Variants in CCDC190 observed in about 807,000 individuals in gnomAD.
CCDC190 encodes coiled-coil domain-containing protein 190.
A neutral mutation model predicts 13.1 loss-of-function variants in CCDC190; 10 were observed. The observed-to-expected ratio is 0.77, with a 90% CI of 0.47 to 1.30. The LOEUF is 1.30. Among genes scored for constraint, CCDC190 ranks in the 50% most tolerant of loss-of-function variants. The pLI is 0.00. For missense variants in CCDC190, 375 were observed against 354.3 expected (o/e 1.06, Z -0.47); for synonymous variants, 136 against 127.2 (o/e 1.07, Z -0.47).
chr1:162,866,974 G>A (rs1034693879), intron 1 of CCDC190, among the ~76,000 whole-genome samples: 5 of 151,676 alleles, frequency 3.3e-5, no homozygotes, highest in African/African-American at 1.2e-4. Flanking sequence ...TAACATGCTG[G>A]CAAAAACTAC....
chr1:162,863,057 A>G (rs1650574536), upstream of CCDC190, among the ~76,000 whole-genome samples: 1 of 152,238 alleles, frequency 6.6e-6, no homozygotes, highest in Admixed American at 6.5e-5. Flanking sequence ...GATTGAAAGT[A>G]TAAAGCTATC....
At chr1:162,867,366 G>C (rs1040788738) in intron 1 of CCDC190, among the ~76,000 whole-genome samples, 1 of 152,120 alleles carries the variant, frequency 6.6e-6, no homozygotes, top group Non-Finnish European at 1.5e-5. Flanking sequence ...TTAGTCATTA[G>C]AAGATTAAAA....
At chr1:162,867,545 A>G (rs1650750237) in intron 1 of CCDC190, among the ~76,000 whole-genome samples, 1 of 152,212 alleles carries the variant, frequency 6.6e-6, no homozygotes, top group Non-Finnish European at 1.5e-5. Flanking sequence ...AAAATTCAAC[A>G]TATACTTACA....
At chr1:162,867,042 G>C (rs931002632) in intron 1 of CCDC190, among the ~76,000 whole-genome samples, 2 of 151,792 alleles carry the variant, frequency 1.3e-5, no homozygotes, top group African/African-American at 4.8e-5. Flanking sequence ...GTTTGGCAAA[G>C]ATTTCTTATA....
intron 1 of CCDC190, among the ~76,000 whole-genome samples, chr1:162,866,519 T>G (rs1650713113): frequency 6.6e-6 from 1 of 152,208 alleles, no homozygotes; most frequent in Non-Finnish European, 1.5e-5. Flanking sequence ...TGCCAATTCT[T>G]CTAAAAATTA....
intron 1 of CCDC190, among the ~76,000 whole-genome samples, chr1:162,867,858 A>G (rs1489112586): frequency 2.0e-5 from 3 of 152,214 alleles, no homozygotes; most frequent in Non-Finnish European, 2.9e-5. Flanking sequence ...CATATATTTG[A>G]AATATTATAA....
At chr1:162,865,777 A>G (rs1439146554), upstream of CCDC190, among the ~76,000 whole-genome samples, 2 of 152,212 alleles carry the variant, frequency 1.3e-5, no homozygotes, top group Admixed American at 6.5e-5. Flanking sequence ...ATTAGCATCT[A>G]TAATAAACCC....
upstream of CCDC190, among the ~76,000 whole-genome samples, chr1:162,864,465 A>T (rs1482861163): frequency 6.6e-6 from 1 of 152,204 alleles, no homozygotes; most frequent in Non-Finnish European, 1.5e-5. Flanking sequence ...TAACTACATG[A>T]GGAAGTATAA....
chr1:162,856,959 G>T (rs536506799), intron 2 of CCDC190, among the ~76,000 whole-genome samples: 2 of 152,132 alleles, frequency 1.3e-5, no homozygotes, highest in South Asian at 4.2e-4. Flanking sequence ...AGACCTATGG[G>T]CCCAATAGGT....
chr1:162,855,126 T>A lies in CCDC190; in HGVS notation c.545A>T (p.Glu182Val), dbSNP rs1363822109. ...TTGTTCTATGGTGTTGGTGGAAACC[T>A]CTTGATTTTGGCATGGAACAGAGAT... ...KGISVPCQNQ[E>V]VSTNTIEQGP... The change falls in exon 4 of 4, where the codon GAG (glutamate) becomes GTG (valine). Residue 182 changes from glutamate (E) to valine (V), a missense_variant. Transcript: ENST00000367912. 1.9e-6 allele frequency: 3 copies of A among 1,613,806 alleles called. No homozygotes were observed. In the African/African-American group the frequency reaches 4.0e-5, roughly 22 times the overall value.
upstream of CCDC190, among the ~76,000 whole-genome samples, chr1:162,861,767 A>G (rs1293855161): frequency 6.6e-6 from 1 of 152,296 alleles, no homozygotes; most frequent in East Asian, 1.9e-4. Flanking sequence ...TGTTTATATA[A>G]CAAGATACTG....
Position 162,852,148 on chromosome 1 carries a change from C to A in CCDC190, c.*2617G>T, listed in dbSNP as rs757156129. 2.0e-5 allele frequency: 3 copies of A among 152,168 alleles called. No homozygotes were observed. The highest frequency in any genetic ancestry group is 4.8e-5 in the African/African-American group (2 of 41,426). 9.4% of individuals were successfully genotyped at this position (152,168 alleles called of 1,614,324 possible). A position where few individuals can be genotyped will look rare whatever the true frequency, so the allele number is the denominator to read the frequency against. ...TATTGATGTTTCGGGCTTGTTAATT[C>A]TTTGTTTTAGAGGGCTGCCCCATGT... On this transcript the variant is annotated 3_prime_UTR_variant, in exon 4 of 4. Transcript: ENST00000367912.
rs768879364 is a variant in CCDC190 at position 162,854,989 on chromosome 1, T to G, written c.682A>C (p.Lys228Gln). ...AAGCTTCCTGCACATTCCATGTGTT[T>G]TGGGGGAATTTGTTTTCCAGTGTTC... Reference protein sequence around the residue: ...DGNTGKQIPPKHMECAGSFEG... With the variant: ...DGNTGKQIPPQHMECAGSFEG... The change falls in exon 4 of 4, where the codon AAA (lysine) becomes CAA (glutamine). Residue 228 changes from lysine (K) to glutamine (Q), a missense_variant. Coordinates refer to ENST00000367912, the MANE Select transcript of CCDC190 (RefSeq NM_001394065.1). The G allele has an allele frequency of 2.6e-5, 42 of 1,613,926 alleles. No individual in the cohort carries two copies. In the Middle Eastern group the frequency reaches 6.6e-4, roughly 25 times the overall value.
At chr1:162,868,202 T>C (rs770440296) in intron 1 of CCDC190, among the ~76,000 whole-genome samples, 7 of 152,174 alleles carry the variant, frequency 4.6e-5, no homozygotes, top group Admixed American at 1.3e-4. Flanking sequence ...GAAATGTTTC[T>C]AGATGTAGGA....
chr1:162,860,999 A>T lies in CCDC190; in HGVS notation c.-13+9T>A. ...ACTTTTATTAAAGAACAGGGCCAGT[A>T]GAACTTACCTCCAAATCCAGAGTTT... On this transcript the variant is annotated intron_variant, in intron 1 of 3. Coordinates refer to ENST00000367912, the MANE Select transcript of CCDC190 (RefSeq NM_001394065.1). 1.0e-6 allele frequency: 1 copy of T among 983,724 alleles called. No individual in the cohort carries two copies. Among genetic ancestry groups the T allele is most frequent in the Non-Finnish European group, 1.2e-6 (1 of 828,362 alleles). 60.9% of individuals were successfully genotyped at this position (983,724 alleles called of 1,614,324 possible). A position where few individuals can be genotyped will look rare whatever the true frequency, so the allele number is the denominator to read the frequency against.
In CCDC190 at chr1:162,860,022, C is replaced by A. The variant is rs148997515; in HGVS notation, c.-12-364G>T. Among the ~76,000 whole-genome samples, 388 of 151,992 alleles carry A rather than the reference C, an allele frequency of 2.6e-3. 1 individual carries two copies. The highest frequency in any genetic ancestry group is 8.9e-3 in the African/African-American group (370 of 41,456). On this transcript the variant is annotated intron_variant, in intron 1 of 3. Transcript: ENST00000367912. Reference sequence around the variant, plus strand: ...GCATTATTTACCCAATAAGAAAAGCCTCTTTTACTGTTTCTTAAAGGCTCC... The same window carrying A: ...GCATTATTTACCCAATAAGAAAAGCATCTTTTACTGTTTCTTAAAGGCTCC...
At chr1:162,868,234 A>G (rs996368147) in intron 1 of CCDC190, among the ~76,000 whole-genome samples, 3 of 152,238 alleles carry the variant, frequency 2.0e-5, no homozygotes, top group Non-Finnish European at 4.4e-5. Context: ...GAAGGAATGA[A>G]GGGCAAAGAA....
rs1178126629 is a variant in CCDC190, at chr1:162,851,433, G to A, written c.*3332C>T. 2.0e-5 allele frequency: 3 copies of A among 151,698 alleles called. No individual in the cohort carries two copies. The highest frequency in any genetic ancestry group is 7.3e-5 in the African/African-American group (3 of 41,236). The allele number at this position is 151,698 out of a possible 1,614,324, so 9.4% of individuals were successfully genotyped here. ...GTGTGAGGGCAAAACACTTGCCCAAGCGTGATTCCCTCTGTCCTTCCTTCA... is the reference window on the plus strand; with the variant it reads ...GTGTGAGGGCAAAACACTTGCCCAAACGTGATTCCCTCTGTCCTTCCTTCA... On this transcript the variant is annotated 3_prime_UTR_variant, in exon 4 of 4. Transcript: ENST00000367912.
In CCDC190 at chr1:162,854,791, C is replaced by G; in HGVS notation, c.880G>C (p.Val294Leu). The change falls in exon 4 of 4, where the codon GTG becomes CTG. Residue 294 changes from valine (V) to leucine (L), a missense_variant. Physicochemically the swap from Val to Leu is conservative, Grantham distance 32 (BLOSUM62 1). Transcript: ENST00000367912. ...TAGAGAGGAAGAAACTTAGAAGGCA[C>G]CCTGTTTTCACACTCCTTTCCTGCC... ...SRAGKECENR[V>L]PSKFLPL The G allele has an allele frequency of 1.2e-6, 2 of 1,611,052 alleles. No homozygotes were observed.
Sources: gnomAD v4.1 joint callset for allele counts (sites outside exome capture counted in the v4.1 genomes callset) on GRCh38, gnomAD v4.1.1 for gene constraint, MANE v1.5 for transcripts, NCBI Gene and HGNC (gene_info 2026-07-23, HGNC 2026-07-21) for gene names.